FAAH2: variants seen among roughly 807,000 people sequenced by gnomAD.
FAAH2 encodes fatty-acid amide hydrolase 2.
A neutral mutation model predicts 36.9 loss-of-function variants in FAAH2; 60 were observed. The ratio of observed to expected loss-of-function variants is 1.63; its 90% CI spans 1.32 to 2.02. FAAH2 has a LOEUF of 2.02. Among genes scored for constraint, FAAH2 ranks in the 30% most tolerant of loss-of-function variants. The probability of loss-of-function intolerance (pLI) is 0.00; values close to 1 mark genes in which losing one functional copy is unlikely to be tolerated. For missense variants in FAAH2, 689 were observed against 397.5 expected, an observed-to-expected ratio of 1.73 and a Z score of -6.23; for synonymous variants, 214 against 143.8, an observed-to-expected ratio of 1.49 and a Z score of -3.49.
Position 57,292,574 on chromosome X carries a change from A to G in FAAH2, c.269A>G (p.Lys90Arg), listed in dbSNP as rs1019444031. The part of the protein sequence containing the change: ...DVNPMINGIV[K>R]YRFEEAMKEA... ...AACCCAATGATCAATGGAATTGTCA[A>G]GTACAGGTGAGCATTTCCACTCTCT... Residue 90 changes from lysine (K) to arginine (R), a missense_variant, in exon 2 of 11, where the codon AAG becomes AGG. By Grantham distance (26) the Lys-to-Arg change is conservative (BLOSUM62 2). Transcript: ENST00000374900. 2 of 1,204,638 alleles carry G rather than the reference A, an allele frequency of 1.7e-6. No homozygotes were observed. Among genetic ancestry groups the G allele is most frequent in the Non-Finnish European group, 2.2e-6 (2 of 891,558 alleles).
chrX:57,401,491 A>G (rs1265524640), intron 7 of FAAH2, among the ~76,000 whole-genome samples: 1 of 111,696 alleles, frequency 9.0e-6, no homozygotes. Flanking sequence ...ATAGCTGGAT[A>G]TAGAGGGACA....
At chrX:57,277,642 T>G in the FAAH2 span, among the ~76,000 whole-genome samples, 1 of 111,935 alleles carries the variant, frequency 8.9e-6, no homozygotes, top group South Asian at 3.7e-4. Context: ...TGTCTGTGCT[T>G]GCAGATGATA....
At chrX:57,317,660 G>C (rs191862943) in intron 3 of FAAH2, among the ~76,000 whole-genome samples, 6 of 111,724 alleles carry the variant, frequency 5.4e-5, no homozygotes, top group African/African-American at 1.6e-4. Flanking sequence ...TCTGGACCAA[G>C]TAGACCTAAT....
rs188955532 is a variant in FAAH2 at position 57,372,652 on chromosome X, A to G, written c.743-5999A>G. Reference sequence around the variant, plus strand: ...AAAAGTAGTAGTAGAATTTTTAACTAATTAATTAGTTTTATTGTGATAAAA... The same window carrying G: ...AAAAGTAGTAGTAGAATTTTTAACTGATTAATTAGTTTTATTGTGATAAAA... On this transcript the variant is annotated intron_variant, in intron 5 of 10. Transcript: ENST00000374900. 3.6e-5 allele frequency among the ~76,000 whole-genome samples: 4 copies of G among 111,792 alleles called. No homozygotes were observed. In the Admixed American group the frequency reaches 3.8e-4, roughly 11 times the overall value.
At chrX:57,461,000 T>A (rs992696054) in intron 10 of FAAH2, among the ~76,000 whole-genome samples, 2 of 110,868 alleles carry the variant, frequency 1.8e-5, no homozygotes, top group African/African-American at 6.6e-5. Context: ...GGGGTTTCAA[T>A]CCTAGTCTCT....
upstream of FAAH2, among the ~76,000 whole-genome samples, chrX:57,282,550 T>C (rs1238208122): frequency 8.9e-6 from 1 of 112,300 alleles, no homozygotes; most frequent in Non-Finnish European, 1.9e-5. Context: ...TGTGGGTTGA[T>C]GTTCCTTCAA....
At chrX:57,312,629 G>A (rs918580069) in intron 3 of FAAH2, among the ~76,000 whole-genome samples, 21 of 109,068 alleles carry the variant, frequency 1.9e-4, no homozygotes, top group East Asian at 1.2e-3. Context: ...GCAGTAATCC[G>A]TGCCATTGCA....
At chrX:57,443,986 G>A (rs2056619817) in intron 8 of FAAH2, among the ~76,000 whole-genome samples, 1 of 111,484 alleles carries the variant, frequency 9.0e-6, no homozygotes, top group South Asian at 3.8e-4. Flanking sequence ...TTCATCTCAG[G>A]GGCATCCAGC....
chrX:57,178,434 C>A, the FAAH2 span, among the ~76,000 whole-genome samples: 5 of 111,648 alleles, frequency 4.5e-5, no homozygotes, highest in Non-Finnish European at 9.4e-5. Flanking sequence ...ACAGTGGTAG[C>A]AGTGGTATTT....
chrX:57,442,609 A>G (rs1392664692), intron 8 of FAAH2, among the ~76,000 whole-genome samples: 1 of 111,885 alleles, frequency 8.9e-6, no homozygotes, highest in African/African-American at 3.3e-5. Context: ...GCCCATTTAC[A>G]TTTAAGGTTA....
the FAAH2 span, among the ~76,000 whole-genome samples, chrX:57,228,393 C>T: frequency 1.8e-5 from 2 of 111,305 alleles, no homozygotes; most frequent in African/African-American, 3.3e-5. Context: ...AAGTTGGGAA[C>T]TTCTCCCACA....
the FAAH2 span, among the ~76,000 whole-genome samples, chrX:57,183,925 A>C: frequency 9.0e-6 from 1 of 110,508 alleles, no homozygotes; most frequent in Admixed American, 9.7e-5. Context: ...AAATATTAAT[A>C]TTAATACCCT....
intron 5 of FAAH2, among the ~76,000 whole-genome samples, chrX:57,349,058 AAT>A (rs35894721): frequency 3.9e-4 from 35 of 89,569 alleles, no homozygotes; most frequent in South Asian, 1.6e-3. Context: ...ATAAATGAGA[AAT>A]ATATATATAT....
Position 57,312,672 on chromosome X carries a change from C to CAAAA in FAAH2, c.412+1953_412+1956dup, listed in dbSNP as rs5902564. Reference sequence around the variant, plus strand: ...CTGGGCAACAAGCACAAAACTCCATCAAAAAAAAAAAAATCCTATACAGAA... The same window carrying CAAAA: ...CTGGGCAACAAGCACAAAACTCCATCAAAAAAAAAAAAAAAAATCCTATACAGAA... On this transcript the variant is annotated intron_variant, in intron 3 of 10. Transcript: ENST00000374900. Among the ~76,000 whole-genome samples the CAAAA allele has an allele frequency of 2.4e-4, 24 of 99,172 alleles. No homozygotes were observed. The South Asian group carries it at 0.011, about 47-fold the overall frequency. 86.1% of individuals were successfully genotyped at this position (99,172 alleles called of 115,157 possible). A position where few individuals can be genotyped will look rare whatever the true frequency, so the allele number is the denominator to read the frequency against.
the FAAH2 span, among the ~76,000 whole-genome samples, chrX:57,214,157 A>G: frequency 8.9e-6 from 1 of 112,098 alleles, no homozygotes. Context: ...TGCATGAAAT[A>G]GATTTTTCCA....
At chrX:57,406,784 G>A (rs2055576990) in intron 7 of FAAH2, among the ~76,000 whole-genome samples, 1 of 112,421 alleles carries the variant, frequency 8.9e-6, no homozygotes, top group South Asian at 3.7e-4. Context: ...TGTAGAGAGA[G>A]GAAGATGAAC....
At chrX:57,319,610 G>C (rs1569255277) in intron 3 of FAAH2, among the ~76,000 whole-genome samples, 1 of 111,864 alleles carries the variant, frequency 8.9e-6, no homozygotes, top group African/African-American at 3.2e-5. Context: ...GTAATTTATA[G>C]ATTCAATGCT....
intron 7 of FAAH2, among the ~76,000 whole-genome samples, chrX:57,388,675 T>C (rs987315138): frequency 2.7e-5 from 3 of 111,190 alleles, no homozygotes; most frequent in African/African-American, 9.8e-5. Flanking sequence ...ATTTGACAAA[T>C]GCATAATGCC....
At chrX:57,177,921 G>C in the FAAH2 span, among the ~76,000 whole-genome samples, 1 of 110,505 alleles carries the variant, frequency 9.0e-6, no homozygotes, top group Non-Finnish European at 1.9e-5. Context: ...CTCCCATGGG[G>C]TGCTTTCTTA....
Sources: allele counts gnomAD v4.1 joint callset (sites outside exome capture counted in the v4.1 genomes callset), GRCh38; gene constraint gnomAD v4.1.1; transcripts MANE v1.5; gene names NCBI Gene and HGNC (gene_info 2026-07-23, HGNC 2026-07-21).